Variants in PGR observed in about 807,000 individuals in gnomAD.
The protein encoded by PGR is nuclear receptor subfamily 3 group C member 3.
In PGR, 25 loss-of-function variants were observed where a neutral mutation model predicts 76.1. That is an observed-to-expected ratio of 0.33 (90% confidence interval 0.24 to 0.46). The LOEUF (loss-of-function observed/expected upper bound fraction) is 0.46. PGR is among the 20% of genes least tolerant of loss of function. PGR has a pLI of 1.00. For missense variants in PGR, 1,172 were observed against 1,225.3 expected, an observed-to-expected ratio of 0.96 and a Z score of 0.65; for synonymous variants, 579 against 535.0, an observed-to-expected ratio of 1.08 and a Z score of -1.14.
At chr11:101,122,877 A>G (rs1317087387) in intron 2 of PGR, among the ~76,000 whole-genome samples, 2 of 152,174 alleles carry the variant, frequency 1.3e-5, no homozygotes, top group African/African-American at 2.4e-5. Context: ...TGTGAAGTTA[A>G]TATGATCCAT....
In PGR at chr11:101,033,334, A is replaced by G. The variant is rs924113130; in HGVS notation, c.*5782T>C. The G allele has an allele frequency of 9.9e-6, 2 of 201,144 alleles. No individual in the cohort carries two copies. The highest frequency in any genetic ancestry group is 2.0e-5 in the Non-Finnish European group (2 of 97,636). 12.5% of individuals were successfully genotyped at this position (201,144 alleles called of 1,614,324 possible). A position where few individuals can be genotyped will look rare whatever the true frequency, so the allele number is the denominator to read the frequency against. ...TTCAACAAGAATATGGTATGTTTGT[A>G]TTAACTCTCCACATACCTTTTTTGG... On this transcript the variant is annotated 3_prime_UTR_variant, in exon 8 of 8. Transcript: ENST00000325455.
chr11:101,050,134 A>G (rs1016794245), intron 5 of PGR, 75 bp from the exon 6 acceptor site: 2 of 1,462,830 alleles, frequency 1.4e-6, no homozygotes, highest in African/African-American at 1.4e-5. Flanking sequence ...TAGGTAATTT[A>G]TCAGGGAATA....
intron 2 of PGR, among the ~76,000 whole-genome samples, chr11:101,121,683 A>T (rs1238677798): frequency 6.6e-6 from 1 of 152,206 alleles, no homozygotes; most frequent in East Asian, 1.9e-4. Context: ...AGTCATGTGT[A>T]CACAAATAGG....
chr11:101,049,306 G>A (rs2135391075), intron 6 of PGR, among the ~76,000 whole-genome samples: 1 of 152,188 alleles, frequency 6.6e-6, no homozygotes, highest in African/African-American at 2.4e-5. Context: ...AGACCTGCCT[G>A]AGGCTGTTTT....
intron 2 of PGR, among the ~76,000 whole-genome samples, chr11:101,110,484 T>C (rs1212860080): frequency 6.6e-6 from 1 of 151,996 alleles, no homozygotes; most frequent in African/African-American, 2.4e-5. Flanking sequence ...AGAAGTGGAG[T>C]TCAAAGATGT....
At chr11:101,109,631 A>G (rs1460287246) in intron 2 of PGR, among the ~76,000 whole-genome samples, 1 of 152,210 alleles carries the variant, frequency 6.6e-6, no homozygotes, top group Admixed American at 6.5e-5. Flanking sequence ...GGTTAAAGGA[A>G]AGAAGCCATT....
At chr11:101,121,811 A>G (rs1322577310) in intron 2 of PGR, among the ~76,000 whole-genome samples, 1 of 152,210 alleles carries the variant, frequency 6.6e-6, no homozygotes, top group African/African-American at 2.4e-5. Flanking sequence ...CAGGTACTCA[A>G]TAAATACATG....
At chr11:101,066,409 C>G (rs551641516) in intron 3 of PGR, among the ~76,000 whole-genome samples, 1 of 152,128 alleles carries the variant, frequency 6.6e-6, no homozygotes, top group African/African-American at 2.4e-5. Flanking sequence ...TTTTCATCTT[C>G]TCAACTTCTA....
rs1299177925 is a variant in PGR at position 101,104,720 on chromosome 11, C to G, written c.1790-12844G>C. On this transcript the variant is annotated intron_variant, in intron 2 of 7. Transcript: ENST00000325455. ...AATCTGGTTGTTTCCTTATGACACT[C>G]AGTCTTGCTTCTCAGATACTGCTGT... 9.2e-5 allele frequency among the ~76,000 whole-genome samples: 14 copies of G among 152,168 alleles called. 1 individual carries two copies. The highest frequency in any genetic ancestry group is 3.9e-4 in the Admixed American group (6 of 15,274).
chr11:101,120,677 C>T (rs1336593274), intron 2 of PGR, among the ~76,000 whole-genome samples: 1 of 152,102 alleles, frequency 6.6e-6, no homozygotes, highest in Non-Finnish European at 1.5e-5. Flanking sequence ...ATTCCACACA[C>T]ACATACACAT....
At chr11:101,107,767 T>C (rs1319806847) in intron 2 of PGR, among the ~76,000 whole-genome samples, 1 of 151,728 alleles carries the variant, frequency 6.6e-6, no homozygotes, top group African/African-American at 2.4e-5. Context: ...TGTGTTCAAC[T>C]TCATTATTTC....
chr11:101,050,205 C>T, intron 5 of PGR, 146 bp from the exon 6 acceptor site: 1 of 796,496 alleles, frequency 1.3e-6, no homozygotes, highest in Non-Finnish European at 2.0e-6. Context: ...TAAACAAACC[C>T]AATATTTGGA....
intron 3 of PGR, among the ~76,000 whole-genome samples, chr11:101,083,666 G>T (rs1861390329): frequency 1.3e-5 from 2 of 152,200 alleles, no homozygotes; most frequent in Admixed American, 6.5e-5. Flanking sequence ...TTTAATGACT[G>T]CCCTGCTGGG....
intron 6 of PGR, among the ~76,000 whole-genome samples, chr11:101,045,284 A>T (rs926923790): frequency 6.6e-6 from 1 of 152,198 alleles, no homozygotes; most frequent in Admixed American, 6.5e-5. Flanking sequence ...TAGTATGTAC[A>T]TCTATATGTA....
chr11:101,033,788 G>A lies in PGR; in HGVS notation c.*5328C>T, dbSNP rs1191570598. On this transcript the variant is annotated 3_prime_UTR_variant, in exon 8 of 8. Coordinates refer to ENST00000325455, the MANE Select transcript of PGR (RefSeq NM_000926.4). ...ACAGTAAAAATGCAGATTAGTAAACGTCATAGACAAAGAGATCAGAAACTT... is the reference window on the plus strand; with the variant it reads ...ACAGTAAAAATGCAGATTAGTAAACATCATAGACAAAGAGATCAGAAACTT... 1.9e-5 allele frequency: 4 copies of A among 206,402 alleles called. No individual in the cohort carries two copies. Among genetic ancestry groups the A allele is most frequent in the Non-Finnish European group, 3.0e-5 (3 of 101,176 alleles). 12.8% of individuals were successfully genotyped at this position (206,402 alleles called of 1,614,324 possible). A position where few individuals can be genotyped will look rare whatever the true frequency, so the allele number is the denominator to read the frequency against.
chr11:101,043,488 G>A (rs1391731698), intron 6 of PGR, among the ~76,000 whole-genome samples: 2 of 152,098 alleles, frequency 1.3e-5, no homozygotes, highest in Non-Finnish European at 2.9e-5. Flanking sequence ...TCTTGTTAAT[G>A]TTGCTATTTT....
At chr11:101,075,197 T>C (rs651977) in intron 3 of PGR, among the ~76,000 whole-genome samples, 84,199 of 151,894 alleles carry the variant, frequency 0.55, 24,294 homozygotes, top group Non-Finnish European at 0.63. Context: ...CTTTGACAAA[T>C]CTGACCAAAA....
intron 3 of PGR, among the ~76,000 whole-genome samples, chr11:101,090,622 A>G (rs1276135931): frequency 6.6e-6 from 1 of 152,236 alleles, no homozygotes; most frequent in Non-Finnish European, 1.5e-5. Context: ...AACAATTTTA[A>G]TCTGCTGAGG....
At chr11:101,102,006 A>G (rs1175021051) in intron 2 of PGR, among the ~76,000 whole-genome samples, 1 of 152,142 alleles carries the variant, frequency 6.6e-6, no homozygotes, top group Non-Finnish European at 1.5e-5. Flanking sequence ...CTGGCATATA[A>G]TTATGTGGGG....
Sources: allele counts gnomAD v4.1 joint callset (sites outside exome capture counted in the v4.1 genomes callset), GRCh38; gene constraint gnomAD v4.1.1; transcripts MANE v1.5; gene names NCBI Gene and HGNC (gene_info 2026-07-23, HGNC 2026-07-21).